ZNF292: variants seen among roughly 807,000 people sequenced by gnomAD.
ZNF292 encodes 16 zinc-finger domain protein.
In ZNF292, 26 loss-of-function variants were observed where a neutral mutation model predicts 217.9. The ratio of observed to expected loss-of-function variants is 0.12; its 90% confidence interval spans 0.09 to 0.17. The LOEUF is 0.17. Ranked by LOEUF, ZNF292 falls within the 10% of genes least tolerant of loss-of-function variation. The pLI, the probability that ZNF292 is intolerant of heterozygous loss-of-function variation, is 1.00. For synonymous variants in ZNF292, 1,257 were observed against 1,124.1 expected (o/e 1.12, Z -2.37); for missense variants, 2,904 against 3,175.2 (o/e 0.91, Z 2.05).
chr6:87,209,137 G>A (rs1279630907), intron 1 of ZNF292, among the ~76,000 whole-genome samples: 5 of 146,214 alleles, frequency 3.4e-5, no homozygotes, highest in Non-Finnish European at 7.4e-5. Flanking sequence ...GGCATCTAGT[G>A]CTCCCAGTTC....
At chr6:87,217,048 G>A (rs987168113) in intron 3 of ZNF292, among the ~76,000 whole-genome samples, 2 of 152,004 alleles carry the variant, frequency 1.3e-5, no homozygotes, top group Non-Finnish European at 1.5e-5. Context: ...ACTAAATTTT[G>A]ATTAATTGGT....
chr6:87,225,034 G>A (rs772056093), intron 4 of ZNF292, among the ~76,000 whole-genome samples: 1 of 152,124 alleles, frequency 6.6e-6, no homozygotes, highest in South Asian at 2.1e-4. Context: ...GGTATTGTCC[G>A]TTTTTGGAAT....
chr6:87,203,731 G>T (rs1016146466), intron 1 of ZNF292, among the ~76,000 whole-genome samples: 1 of 152,040 alleles, frequency 6.6e-6, no homozygotes, highest in Non-Finnish European at 1.5e-5. Flanking sequence ...TGGGGTGGCT[G>T]TGTGTGGGGA....
rs767450459 is a variant in ZNF292 at position 87,257,606 on chromosome 6, T to C, written c.3977T>C (p.Val1326Ala). ...GCAGTTTTTCCTTCACAAGTGAATG[T>C]TGCAAATAACTTCAGTAGCACCAAT... ...ENAVFPSQVN[V>A]ANNFSSTNAQ... Residue 1326 changes from valine to alanine, a missense_variant, in exon 8 of 8, where the codon GTT becomes GCT. Transcript: ENST00000369577. 2.2e-5 allele frequency: 35 copies of C among 1,607,368 alleles called. No homozygotes were observed. The African/African-American group carries it at 4.3e-4, about 20-fold the overall frequency.
At position 87,263,758 on chromosome 6, in the gene ZNF292, G is replaced by A. The variant is rs964011447; in HGVS notation, c.*1957G>A. 3.3e-5 allele frequency: 5 copies of A among 151,830 alleles called. 1 individual carries two copies. The highest frequency in any genetic ancestry group is 2.9e-5 in the Non-Finnish European group (2 of 67,894). 9.4% of individuals were successfully genotyped at this position (151,830 alleles called of 1,614,324 possible). ...TGAGTAATTTTAATATTAAATTTTT[G>A]TTAACAACTGAATGTTTCCATACAG... is the stretch of plus-strand genomic sequence containing the variant. On this transcript the variant is annotated 3_prime_UTR_variant, in exon 8 of 8. Coordinates refer to ENST00000369577, the MANE Select transcript of ZNF292 (RefSeq NM_015021.3).
chr6:87,162,352 T>C (rs781251051), intron 1 of ZNF292, among the ~76,000 whole-genome samples: 12 of 152,248 alleles, frequency 7.9e-5, no homozygotes, highest in Non-Finnish European at 1.8e-4. Context: ...TTTGTTTATA[T>C]ACATGTTACA....
chr6:87,209,886 AG>A (rs1772410096), intron 1 of ZNF292, among the ~76,000 whole-genome samples: 2 of 152,198 alleles, frequency 1.3e-5, no homozygotes, highest in South Asian at 4.1e-4. Context: ...AAGAGTCATG[AG>A]ATCAAAATGT....
At chr6:87,165,614 T>C (rs1770887439) in intron 1 of ZNF292, among the ~76,000 whole-genome samples, 1 of 152,144 alleles carries the variant, frequency 6.6e-6, no homozygotes, top group Admixed American at 6.5e-5. Context: ...AAAAATACTA[T>C]TTTAGAGGGT....
intron 1 of ZNF292, among the ~76,000 whole-genome samples, chr6:87,159,527 T>A (rs1415245121): frequency 6.8e-6 from 1 of 147,052 alleles, no homozygotes; most frequent in African/African-American, 2.5e-5. Flanking sequence ...AAAAAAGATG[T>A]AGTTTAACTC....
At chr6:87,173,045 CTT>C (rs1771158805) in intron 1 of ZNF292, among the ~76,000 whole-genome samples, 1 of 151,842 alleles carries the variant, frequency 6.6e-6, no homozygotes, top group Non-Finnish European at 1.5e-5. Context: ...TTCTGATAGT[CTT>C]AAGATTATAG....
intron 1 of ZNF292, among the ~76,000 whole-genome samples, chr6:87,189,650 G>A (rs921574411): frequency 3.3e-5 from 5 of 150,966 alleles, no homozygotes; most frequent in Admixed American, 6.6e-5. Flanking sequence ...TTTACAGGGT[G>A]GGGGGAAGAA....
chr6:87,259,920 A>C lies in ZNF292; in HGVS notation c.6291A>C (p.Pro2097=). The change falls in exon 8 of 8, where the codon CCA becomes CCC. Residue 2097 remains proline (P), a synonymous_variant. Coordinates refer to ENST00000369577, the MANE Select transcript of ZNF292 (RefSeq NM_015021.3). ...KEKEEKKRKK[P]VSQSLEFPTR... is the part of the protein sequence containing the mutation. ...AGGAGGAGAAAAAACGAAAGAAGCC[A>C]GTTTCCCAATCCCTTGAGTTTCCAA... 6.2e-7 allele frequency: 1 copy of C among 1,613,686 alleles called. No individual in the cohort carries two copies. The highest frequency in any genetic ancestry group is 8.5e-7 in the Non-Finnish European group (1 of 1,179,686).
rs1007935886 is a variant in ZNF292, at chr6:87,240,530, C to T, written c.742-2945C>T. Among the ~76,000 whole-genome samples, 47 of 152,188 alleles carry T rather than the reference C, an allele frequency of 3.1e-4. 1 individual carries two copies. Among genetic ancestry groups the T allele is most frequent in the African/African-American group, 1.1e-3 (46 of 41,448 alleles). The stretch of plus-strand genomic sequence containing the variant: ...CTCCACCTCCCAGGTTCAAGCAATT[C>T]TCCTGCCTCAGCTTCCAAGTAGCTG... On this transcript the variant is annotated intron_variant, in intron 5 of 7. Transcript: ENST00000369577.
At position 87,261,816 on chromosome 6, in the gene ZNF292, T is replaced by C; in HGVS notation, c.*15T>C. On this transcript the variant is annotated 3_prime_UTR_variant, in exon 8 of 8. Transcript: ENST00000369577. ...GTCAGTACTGATAATTAATGTAGTA[T>C]AAATACATCATTTACCATTTTATTT... 1 of 1,451,692 alleles carries C rather than the reference T, an allele frequency of 6.9e-7. No individual in the cohort carries two copies. Among genetic ancestry groups the C allele is most frequent in the African/African-American group, 1.4e-5 (1 of 70,724 alleles). 89.9% of individuals were successfully genotyped at this position (1,451,692 alleles called of 1,614,324 possible).
intron 4 of ZNF292, among the ~76,000 whole-genome samples, chr6:87,231,840 T>C (rs1035584088): frequency 6.6e-6 from 1 of 152,136 alleles, no homozygotes; most frequent in Non-Finnish European, 1.5e-5. Flanking sequence ...ATCTCTAGAG[T>C]TTCCTTTGGA....
intron 1 of ZNF292, among the ~76,000 whole-genome samples, chr6:87,160,489 ATATG>A (rs1194294462): frequency 8.1e-5 from 8 of 98,786 alleles, no homozygotes; most frequent in African/African-American, 1.2e-4. Flanking sequence ...GTTTGTATAT[ATATG>A]TGTGTGTGTG....
At chr6:87,197,936 C>G (rs1335221522) in intron 1 of ZNF292, among the ~76,000 whole-genome samples, 1 of 151,940 alleles carries the variant, frequency 6.6e-6, no homozygotes, top group African/African-American at 2.4e-5. Flanking sequence ...ATCTTAAGAA[C>G]AGGTCTCTCT....
At position 87,179,846 on chromosome 6, in the gene ZNF292, A is replaced by G. The variant is rs151293918; in HGVS notation, c.168+24087A>G. Among the ~76,000 whole-genome samples the G allele has an allele frequency of 7.5e-3, 1,140 of 152,294 alleles. 22 individuals carry two copies. The highest frequency in any genetic ancestry group is 0.025 in the African/African-American group (1,032 of 41,560). ...CCCTATTTCCTCCATGTACGGAGAC[A>G]TTACAGCAACAGCCCAGTCAGATTT... On this transcript the variant is annotated intron_variant, in intron 1 of 7. Transcript: ENST00000369577.
chr6:87,230,276 A>G (rs1773581355), intron 4 of ZNF292, among the ~76,000 whole-genome samples: 1 of 152,240 alleles, frequency 6.6e-6, no homozygotes, highest in Non-Finnish European at 1.5e-5. Context: ...ATAGGAACCC[A>G]GTAAATGAGT....
Sources: allele counts gnomAD v4.1 joint callset (sites outside exome capture counted in the v4.1 genomes callset), GRCh38; gene constraint gnomAD v4.1.1; transcripts MANE v1.5; gene names NCBI Gene and HGNC (gene_info 2026-07-23, HGNC 2026-07-21).